Variants in NDUFAF6 observed in about 807,000 individuals in gnomAD.
The protein encoded by NDUFAF6 is NADH dehydrogenase (ubiquinone) complex I, assembly factor 6.
A neutral mutation model predicts 40.8 loss-of-function variants in NDUFAF6; 45 were observed. The observed-to-expected ratio is 1.10, with a 90% confidence interval of 0.87 to 1.42. The LOEUF is 1.42. Ranked by LOEUF, NDUFAF6 falls within the 40% of genes most tolerant of loss-of-function variation. The probability of loss-of-function intolerance (pLI) is 0.00; values close to 1 mark genes in which losing one functional copy is unlikely to be tolerated. For missense variants in NDUFAF6, 435 were observed against 418.5 expected (o/e 1.04, Z -0.34); for synonymous variants, 185 against 155.9 (o/e 1.19, Z -1.39).
At chr8:95,092,183 A>ATTT (rs10689536) in intron 2 of NDUFAF6, among the ~76,000 whole-genome samples, 1,465 of 142,498 alleles carry the variant, frequency 0.01, 17 homozygotes, top group African/African-American at 0.017. Flanking sequence ...CTTTGACACA[A>ATTT]TTTTTTTTTT....
At chr8:94,966,575 C>CA (rs1399791003) in intron 1 of NDUFAF6, among the ~76,000 whole-genome samples, 1 of 152,168 alleles carries the variant, frequency 6.6e-6, no homozygotes, top group Non-Finnish European at 1.5e-5. Context: ...GCCTGGGTGA[C>CA]AGAGTGAGAC....
intron 2 of NDUFAF6, among the ~76,000 whole-genome samples, chr8:95,094,550 T>C (rs1809383455): frequency 1.3e-5 from 2 of 151,378 alleles, no homozygotes; most frequent in Non-Finnish European, 2.9e-5. Flanking sequence ...GTAGCTGAGA[T>C]TACAGGCGCC....
chr8:95,006,461 C>T (rs1363212072), intron 2 of NDUFAF6, among the ~76,000 whole-genome samples: 1 of 151,972 alleles, frequency 6.6e-6, no homozygotes, highest in Non-Finnish European at 1.5e-5. Flanking sequence ...TTTTCAGACT[C>T]CAGGACTTGG....
At chr8:94,932,252 G>T in intron 1 of NDUFAF6, 1 of 804,044 alleles carries the variant, frequency 1.2e-6, no homozygotes, top group Non-Finnish European at 2.0e-6. Context: ...AAGATAACAT[G>T]TAAAACCTTC....
chr8:94,976,626 A>G (rs1017079008), intron 1 of NDUFAF6, among the ~76,000 whole-genome samples: 1 of 151,908 alleles, frequency 6.6e-6, no homozygotes, highest in Admixed American at 6.6e-5. Flanking sequence ...GTGAGCCAAG[A>G]TCACACCACT....
Position 94,897,659 on chromosome 8 carries a change from T to TA in NDUFAF6, c.-936+1743dup, listed in dbSNP as rs796318604. 3.1e-3 allele frequency among the ~76,000 whole-genome samples: 444 copies of TA among 143,764 alleles called. 3 individuals are homozygous for TA. The highest frequency in any genetic ancestry group is 9.3e-3 in the African/African-American group (367 of 39,534). 94.3% of individuals were successfully genotyped at this position (143,764 alleles called of 152,430 possible). A position where few individuals can be genotyped will look rare whatever the true frequency, so the allele number is the denominator to read the frequency against. On this transcript the variant is annotated intron_variant, in intron 1 of 14. Coordinates refer to the NDUFAF6 transcript ENST00000396113. ...CAGAAGATGCTTGGAGGCACAGGCT[T>TA]AAAAAAAAAAATTCAGGCTTAGCCC...
intron 2 of NDUFAF6, among the ~76,000 whole-genome samples, chr8:94,947,472 A>C (rs986991105): frequency 6.6e-6 from 1 of 152,224 alleles, no homozygotes; most frequent in Non-Finnish European, 1.5e-5. Context: ...CTAGTAATTT[A>C]AAATGGGTTT....
intron 1 of NDUFAF6, chr8:94,930,533 G>C: frequency 4.3e-6 from 7 of 1,614,236 alleles, no homozygotes; most frequent in Non-Finnish European, 5.9e-6. Context: ...CATTGTGCTT[G>C]ACTTGCCGAG....
At chr8:95,066,287 CTTTTTTTTTT>C (rs11302193) in intron 9 of NDUFAF6, among the ~76,000 whole-genome samples, 2 of 82,920 alleles carry the variant, frequency 2.4e-5, no homozygotes, top group African/African-American at 4.9e-5. Flanking sequence ...TGCTTGCTTG[CTTTTTTTTTT>C]TTTTTTTTTT....
At chr8:95,056,917 AAAG>A (rs1281645717) in intron 8 of NDUFAF6, among the ~76,000 whole-genome samples, 1 of 151,776 alleles carries the variant, frequency 6.6e-6, no homozygotes, top group African/African-American at 2.4e-5. Flanking sequence ...AAAAAAAAAA[AAAG>A]TAGATAATGA....
chr8:95,041,681 T>C, intron 4 of NDUFAF6, 55 bp downstream of exon 4: 3 of 1,388,422 alleles, frequency 2.2e-6, no homozygotes, highest in Admixed American at 1.7e-5. Flanking sequence ...ATTCTTAAGC[T>C]AATTCTTCAA....
At chr8:95,067,808 G>A (rs1832739046) in intron 9 of NDUFAF6, 1 of 152,046 alleles carries the variant, frequency 6.6e-6, no homozygotes, top group Non-Finnish European at 1.5e-5. Flanking sequence ...GTGGGTGGAA[G>A]TTCAGGCTCC....
At chr8:95,082,850 C>T (rs1194891529) in intron 2 of NDUFAF6, among the ~76,000 whole-genome samples, 3 of 152,208 alleles carry the variant, frequency 2.0e-5, no homozygotes, top group Middle Eastern at 3.4e-3. Flanking sequence ...TTAGTAGAGA[C>T]GGGGTTTCAC....
intron 1 of NDUFAF6, among the ~76,000 whole-genome samples, chr8:95,031,228 G>A (rs989420912): frequency 8.5e-5 from 13 of 152,192 alleles, no homozygotes; most frequent in Admixed American, 4.6e-4. Context: ...CGGGAATGTG[G>A]GGTGGGGGCT....
chr8:95,006,355 C>CAAAAAAAAAAAAAAAAAAAA (rs58530398), intron 2 of NDUFAF6, among the ~76,000 whole-genome samples: 1 of 74,990 alleles, frequency 1.3e-5, no homozygotes, highest in Non-Finnish European at 2.7e-5. Context: ...GACTCCGTCT[C>CAAAAAAAAAAAAAAAAAAAA]AAAAAAAAAA....
At chr8:95,041,689 CAAG>C (rs766877402) in intron 4 of NDUFAF6, 63 bp downstream of exon 4, 135 of 1,306,952 alleles carry the variant, frequency 1.0e-4, no homozygotes, top group Non-Finnish European at 1.5e-4. Context: ...GCTAATTCTT[CAAG>C]AAGGACATTT....
intron 1 of NDUFAF6, among the ~76,000 whole-genome samples, chr8:94,931,698 G>A (rs1343507038): frequency 1.3e-5 from 2 of 152,130 alleles, no homozygotes; most frequent in African/African-American, 4.8e-5. Flanking sequence ...TTTTAGGCCA[G>A]GCGCTGTGGC....
intron 1 of NDUFAF6, among the ~76,000 whole-genome samples, chr8:94,901,785 A>G (rs2131173167): frequency 6.6e-6 from 1 of 152,204 alleles, no homozygotes; most frequent in African/African-American, 2.4e-5. Context: ...GGGTTTCGCC[A>G]TGTTGGCCAG....
At chr8:95,061,359 C>T (rs1481911254), downstream of NDUFAF6, among the ~76,000 whole-genome samples, 3 of 152,064 alleles carry the variant, frequency 2.0e-5, no homozygotes, top group African/African-American at 7.2e-5. Context: ...TTGGCTTAAT[C>T]GATTGCCTTG....
Sources: gnomAD v4.1 joint callset for allele counts (sites outside exome capture counted in the v4.1 genomes callset) on GRCh38, gnomAD v4.1.1 for gene constraint, MANE v1.5 for transcripts, NCBI Gene and HGNC (gene_info 2026-07-23, HGNC 2026-07-21) for gene names.